Variants in MATN2 observed in about 807,000 individuals in gnomAD.
MATN2 encodes matrilin-2.
MATN2 carries 69 observed loss-of-function variants against 103.2 expected under a neutral mutation model. The ratio of observed to expected loss-of-function variants is 0.67; its 90% confidence interval spans 0.55 to 0.82. The LOEUF is 0.82. Ranked by LOEUF, MATN2 falls within the 40% of genes least tolerant of loss-of-function variation. MATN2 has a pLI of 0.00. For missense variants in MATN2, 1,023 were observed against 1,211.5 expected, an observed-to-expected ratio of 0.84 and a Z score of 2.31; for synonymous variants, 429 against 450.2, an observed-to-expected ratio of 0.95 and a Z score of 0.60.
intron 2 of MATN2, among the ~76,000 whole-genome samples, chr8:97,928,646 A>G (rs573934372): frequency 1.6e-4 from 24 of 152,152 alleles, no homozygotes; most frequent in African/African-American, 5.3e-4. Flanking sequence ...CCAACCACAT[A>G]GCCATAGCTG....
At chr8:98,029,642 A>G (rs909649084) in intron 14 of MATN2, among the ~76,000 whole-genome samples, 1 of 152,244 alleles carries the variant, frequency 6.6e-6, no homozygotes, top group Non-Finnish European at 1.5e-5. Context: ...GTGACCTTAC[A>G]CAGACTCAGA....
chr8:98,017,942 C>T, intron 11 of MATN2, 52 bp from the exon 12 acceptor site: 1 of 1,602,370 alleles, frequency 6.2e-7, no homozygotes, highest in Non-Finnish European at 8.5e-7. Context: ...AGGTGAAGTC[C>T]ATGTGAAATG....
At chr8:97,895,444 G>C (rs1004732149) in intron 2 of MATN2, among the ~76,000 whole-genome samples, 1 of 152,116 alleles carries the variant, frequency 6.6e-6, no homozygotes, top group Non-Finnish European at 1.5e-5. Flanking sequence ...TCCTTCCCCA[G>C]ACAAGACCCA....
intron 2 of MATN2, among the ~76,000 whole-genome samples, chr8:97,906,316 C>A (rs1819169405): frequency 6.6e-6 from 1 of 152,070 alleles, no homozygotes; most frequent in African/African-American, 2.4e-5. Flanking sequence ...CATGGGGGTC[C>A]CTGATACAAA....
At chr8:98,034,155 C>CTT (rs368572002) in intron 18 of MATN2, 7 of 454,476 alleles carry the variant, frequency 1.5e-5, no homozygotes, top group Admixed American at 4.7e-5. Flanking sequence ...GTGGTTTTTT[C>CTT]TTTTTTTTCC....
chr8:98,002,777 C>T (rs1228501937), intron 7 of MATN2, among the ~76,000 whole-genome samples: 1 of 152,156 alleles, frequency 6.6e-6, no homozygotes, highest in Non-Finnish European at 1.5e-5. Flanking sequence ...TCTCTGTGTC[C>T]TGTAGCTCAC....
chr8:98,024,221 C>A (rs760970192), intron 13 of MATN2, among the ~76,000 whole-genome samples: 1 of 152,124 alleles, frequency 6.6e-6, no homozygotes, highest in Admixed American at 6.6e-5. Flanking sequence ...AAACAACAGA[C>A]AGGCCAGGTG....
chr8:97,993,040 G>A (rs181317396), intron 6 of MATN2, among the ~76,000 whole-genome samples: 58 of 152,150 alleles, frequency 3.8e-4, no homozygotes, highest in African/African-American at 1.3e-3. Context: ...TGAAAGCCAA[G>A]CAGCCATAGA....
rs760608431 is a variant in MATN2, at chr8:98,035,715, A to C, written c.*3A>C. The C allele has an allele frequency of 6.3e-7, 1 of 1,594,734 alleles. No homozygotes were observed. Among genetic ancestry groups the C allele is most frequent in the Non-Finnish European group, 8.6e-7 (1 of 1,166,926 alleles). Reference sequence around the variant, plus strand: ...AAAATCGCCTGAGATACAGATGAAGATTAGAAATCGCGACACATTTGTAGT... The same window carrying C: ...AAAATCGCCTGAGATACAGATGAAGCTTAGAAATCGCGACACATTTGTAGT... On this transcript the variant is annotated 3_prime_UTR_variant, in exon 19 of 19. Coordinates refer to ENST00000254898, the MANE Select transcript of MATN2 (RefSeq NM_002380.5).
At chr8:97,933,371 G>A (rs1369407868) in intron 3 of MATN2, among the ~76,000 whole-genome samples, 1 of 152,184 alleles carries the variant, frequency 6.6e-6, no homozygotes, top group Non-Finnish European at 1.5e-5. Flanking sequence ...TATTAAAAGG[G>A]AAATTGGTTC....
At chr8:98,032,163 G>T in intron 15 of MATN2, 83 bp from the exon 16 acceptor site, 2 of 1,063,380 alleles carry the variant, frequency 1.9e-6, no homozygotes, top group South Asian at 2.9e-5. Context: ...TAGGTAAGGA[G>T]GTGGTCTGGG....
chr8:97,947,928 T>A (rs1810807792), intron 4 of MATN2, among the ~76,000 whole-genome samples: 2 of 152,224 alleles, frequency 1.3e-5, no homozygotes, highest in Non-Finnish European at 2.9e-5. Flanking sequence ...GAGCTTCCAA[T>A]CACAACATTC....
intron 13 of MATN2, among the ~76,000 whole-genome samples, chr8:98,022,438 GA>G (rs1813631982): frequency 6.6e-6 from 1 of 151,272 alleles, no homozygotes; most frequent in South Asian, 2.1e-4. Flanking sequence ...TTATTTTTTA[GA>G]AAAAAATAAG....
intron 4 of MATN2, among the ~76,000 whole-genome samples, chr8:97,945,788 C>T (rs1810736282): frequency 6.6e-6 from 1 of 150,896 alleles, no homozygotes; most frequent in Non-Finnish European, 1.5e-5. Context: ...AAAGCAGACA[C>T]AGTTGATCCA....
rs183570477 is a variant in MATN2, at chr8:97,884,679, G to A, written c.-26-3396G>A. ...CCAGCTACTGGGGCGGCTGAGGCAT[G>A]AGAATTGCTTGAACCCAGGAGGCAG... is the stretch of plus-strand genomic sequence containing the variant. On this transcript the variant is annotated intron_variant, in intron 1 of 18. Transcript: ENST00000254898. Among the ~76,000 whole-genome samples the A allele has an allele frequency of 1.7e-3, 257 of 152,204 alleles. 1 individual carries two copies. Among genetic ancestry groups the A allele is most frequent in the African/African-American group, 5.5e-3 (230 of 41,544 alleles).
rs58985201 is a variant in MATN2, at chr8:97,992,745, C to CAAAAAAAAAAAAAAAAA, written c.1082-1726_1082-1710dup. On this transcript the variant is annotated intron_variant, in intron 6 of 18. Transcript: ENST00000254898. Reference sequence around the variant, plus strand: ...TGGGTGTTAGAGTGAGACTCCATCTCAAAAAAAAAAAAAAAAAAAAAAAAA... The same window carrying CAAAAAAAAAAAAAAAAA: ...TGGGTGTTAGAGTGAGACTCCATCTCAAAAAAAAAAAAAAAAAAAAAAAAAAAAAAAAAAAAAAAAAA... Among the ~76,000 whole-genome samples, 26 of 49,578 alleles carry CAAAAAAAAAAAAAAAAA rather than the reference C, an allele frequency of 5.2e-4. 2 individuals are homozygous for CAAAAAAAAAAAAAAAAA. The highest frequency in any genetic ancestry group is 1.2e-3 in the African/African-American group (13 of 11,018). 32.5% of individuals were successfully genotyped at this position (49,578 alleles called of 152,430 possible). A position where few individuals can be genotyped will look rare whatever the true frequency, so the allele number is the denominator to read the frequency against.
intron 2 of MATN2, among the ~76,000 whole-genome samples, chr8:97,929,381 A>G (rs1034714835): frequency 2.6e-5 from 4 of 152,176 alleles, no homozygotes; most frequent in African/African-American, 9.7e-5. Context: ...AATACCTTTC[A>G]AATCCTGATT....
chr8:97,994,269 GAGA>G (rs898989523), intron 6 of MATN2, among the ~76,000 whole-genome samples: 18 of 151,692 alleles, frequency 1.2e-4, no homozygotes, highest in African/African-American at 4.4e-4. Context: ...AGGGAAGAAG[GAGA>G]AGAAGGAAAG....
chr8:97,972,661 C>A (rs902774321), intron 5 of MATN2, among the ~76,000 whole-genome samples: 2 of 152,142 alleles, frequency 1.3e-5, no homozygotes, highest in African/African-American at 2.4e-5. Context: ...AAACAGAAAT[C>A]ATTGATTTTA....
Sources: gnomAD v4.1 joint callset for allele counts (sites outside exome capture counted in the v4.1 genomes callset) on GRCh38, gnomAD v4.1.1 for gene constraint, MANE v1.5 for transcripts, NCBI Gene and HGNC (gene_info 2026-07-23, HGNC 2026-07-21) for gene names.